Variants in RGS6 observed in about 807,000 individuals in gnomAD.
RGS6 encodes the protein regulator of G protein signaling 6.
Under a neutral mutation model 78.5 loss-of-function variants are expected in RGS6, and 30 were observed. That is an observed-to-expected ratio of 0.38 (90% CI 0.29 to 0.52). The LOEUF (loss-of-function observed/expected upper bound fraction) is 0.52. Ranked by LOEUF, RGS6 falls within the 20% of genes least tolerant of loss-of-function variation. The pLI, the probability that RGS6 is intolerant of heterozygous loss-of-function variation, is 0.85. For missense variants in RGS6, 495 were observed against 609.7 expected, an observed-to-expected ratio of 0.81 and a Z score of 1.98; for synonymous variants, 206 against 206.0, an observed-to-expected ratio of 1.00 and a Z score of 0.00.
At chr14:72,015,467 A>T (rs926872541) in intron 2 of RGS6, among the ~76,000 whole-genome samples, 3 of 152,246 alleles carry the variant, frequency 2.0e-5, no homozygotes, top group Non-Finnish European at 4.4e-5. Flanking sequence ...ATTCCAGTAT[A>T]TACGAATAAA....
At chr14:72,541,894 C>G (rs1046629763) in intron 17 of RGS6, among the ~76,000 whole-genome samples, 1 of 152,140 alleles carries the variant, frequency 6.6e-6, no homozygotes, top group African/African-American at 2.4e-5. Flanking sequence ...CTGTGAGGAG[C>G]ATTTATTGAT....
At chr14:72,483,022 A>G (rs1274903348) in intron 12 of RGS6, among the ~76,000 whole-genome samples, 1 of 152,064 alleles carries the variant, frequency 6.6e-6, no homozygotes, top group Non-Finnish European at 1.5e-5. Flanking sequence ...ATGCTCACTT[A>G]TCTCATTTGT....
chr14:72,140,676 T>G lies in RGS6; in HGVS notation c.84+175801T>G, dbSNP rs1418607335. Among the ~76,000 whole-genome samples, 3 of 152,242 alleles carry G rather than the reference T, an allele frequency of 2.0e-5. No individual in the cohort carries two copies. In the South Asian group the frequency reaches 6.2e-4, roughly 32 times the overall value. Reference sequence around the variant, plus strand: ...ACAACACATCTGAGTAAAAGCGCCCTTGGTACATTAGCCAGTATGGAGCCA... The same window carrying G: ...ACAACACATCTGAGTAAAAGCGCCCGTGGTACATTAGCCAGTATGGAGCCA... On this transcript the variant is annotated intron_variant, in intron 2 of 17. Transcript: ENST00000553525.
intron 3 of RGS6, among the ~76,000 whole-genome samples, chr14:72,356,839 G>A (rs189338529): frequency 1.7e-4 from 26 of 152,274 alleles, no homozygotes; most frequent in Middle Eastern, 3.4e-3. Context: ...TTCCTCAGCC[G>A]TGCTGAACTG....
At chr14:71,938,920 G>C (rs1445422834) in intron 1 of RGS6, among the ~76,000 whole-genome samples, 1 of 152,162 alleles carries the variant, frequency 6.6e-6, no homozygotes, top group Non-Finnish European at 1.5e-5. Flanking sequence ...GTACTCCACT[G>C]TGATTCACCT....
intron 13 of RGS6, among the ~76,000 whole-genome samples, chr14:72,501,183 T>C (rs1802634123): frequency 6.6e-6 from 1 of 152,068 alleles, no homozygotes; most frequent in African/African-American, 2.4e-5. Context: ...TCACCGACAA[T>C]GTCTAAATTC....
chr14:71,952,951 A>G (rs891144020), intron 1 of RGS6, among the ~76,000 whole-genome samples: 1 of 152,164 alleles, frequency 6.6e-6, no homozygotes. Flanking sequence ...TTAGTCATCC[A>G]CTTCTTGTGT....
the RGS6 span, among the ~76,000 whole-genome samples, chr14:72,589,996 C>T: frequency 6.8e-4 from 103 of 152,278 alleles, 1 homozygote; most frequent in Middle Eastern, 0.01. Flanking sequence ...TGAACAGGCA[C>T]TTCTAAAAAG....
chr14:72,458,136 C>A, intron 4 of RGS6, 135 bp from the exon 5 acceptor site: 1 of 650,216 alleles, frequency 1.5e-6, no homozygotes, highest in South Asian at 2.1e-5. Flanking sequence ...CTCACCCCCA[C>A]ACTGAGCAAG....
chr14:71,945,054 TGTG>T (rs1198092899), intron 1 of RGS6, among the ~76,000 whole-genome samples: 2 of 152,202 alleles, frequency 1.3e-5, no homozygotes, highest in Non-Finnish European at 2.9e-5. Flanking sequence ...ATCACTGACT[TGTG>T]GTGCATGACT....
intron 3 of RGS6, among the ~76,000 whole-genome samples, chr14:72,384,976 T>C (rs2087437494): frequency 6.6e-6 from 1 of 152,122 alleles, no homozygotes; most frequent in Admixed American, 6.6e-5. Flanking sequence ...GGTCTCGAAC[T>C]CCTGACCTCC....
chr14:72,191,540 G>A (rs560858400), intron 2 of RGS6, among the ~76,000 whole-genome samples: 19 of 152,310 alleles, frequency 1.2e-4, no homozygotes, highest in Admixed American at 7.8e-4. Context: ...GAAGAGCAAA[G>A]GGACATCTTA....
the RGS6 span, among the ~76,000 whole-genome samples, chr14:71,922,856 A>AAAAAG: frequency 6.6e-6 from 1 of 150,660 alleles, no homozygotes; most frequent in African/African-American, 2.4e-5. Flanking sequence ...GACAAAAAAC[A>AAAAAG]AAAACAAAAC....
intron 3 of RGS6, among the ~76,000 whole-genome samples, chr14:72,426,281 C>A (rs2094432114): frequency 6.6e-6 from 1 of 152,152 alleles, no homozygotes; most frequent in African/African-American, 2.4e-5. Flanking sequence ...AGAAAAGTTA[C>A]ATGACTTATT....
chr14:72,072,099 C>T (rs1176015573), intron 2 of RGS6, among the ~76,000 whole-genome samples: 3 of 152,198 alleles, frequency 2.0e-5, no homozygotes, highest in Non-Finnish European at 1.5e-5. Flanking sequence ...AGCATTGTCC[C>T]ATTTAGTTCT....
the RGS6 span, among the ~76,000 whole-genome samples, chr14:72,615,240 A>C: frequency 6.6e-6 from 1 of 152,048 alleles, no homozygotes; most frequent in African/African-American, 2.4e-5. Flanking sequence ...GGGCGGCGCA[A>C]CACCCCCTAC....
chr14:72,550,115 C>T (rs2153530187), intron 17 of RGS6, among the ~76,000 whole-genome samples: 1 of 121,208 alleles, frequency 8.3e-6, no homozygotes, highest in South Asian at 2.8e-4. Context: ...GTGATTACAG[C>T]TTGTGACTTT....
intron 3 of RGS6, among the ~76,000 whole-genome samples, chr14:72,447,005 C>G (rs1361169669): frequency 6.6e-6 from 1 of 152,070 alleles, no homozygotes; most frequent in African/African-American, 2.4e-5. Context: ...GGACCATTAC[C>G]TGTTGGGAGG....
chr14:72,208,923 AAATAAGAATAT>A, intron 2 of RGS6, among the ~76,000 whole-genome samples: 1 of 1,242 alleles, frequency 8.1e-4, no homozygotes, highest in East Asian at 0.17. Context: ...AAGAATAATG[AAATAAGAATAT>A]CAATGAAATA....
Sources: gnomAD v4.1 joint callset for allele counts (sites outside exome capture counted in the v4.1 genomes callset) on GRCh38, gnomAD v4.1.1 for gene constraint, MANE v1.5 for transcripts, NCBI Gene and HGNC (gene_info 2026-07-23, HGNC 2026-07-21) for gene names.